The following TMEM232 variants were observed in gnomAD, a reference collection of about 807,000 sequenced individuals.
The protein encoded by TMEM232 is transmembrane protein 232.
Under a neutral mutation model 78.8 loss-of-function variants are expected in TMEM232, and 80 were observed. That is an observed-to-expected ratio of 1.01 (90% CI 0.85 to 1.22). The LOEUF (loss-of-function observed/expected upper bound fraction) is 1.22. Ranked by LOEUF, TMEM232 falls within the 50% of genes most tolerant of loss-of-function variation. The pLI, the probability that TMEM232 is intolerant of heterozygous loss-of-function variation, is 0.00. For missense variants in TMEM232, 881 were observed against 742.2 expected, an observed-to-expected ratio of 1.19 and a Z score of -2.17; for synonymous variants, 297 against 254.3, an observed-to-expected ratio of 1.17 and a Z score of -1.60.
intron 10 of TMEM232, among the ~76,000 whole-genome samples, chr5:110,593,743 T>C (rs892559202): frequency 3.9e-5 from 6 of 152,092 alleles, no homozygotes; most frequent in African/African-American, 1.4e-4. Flanking sequence ...ATGAATAAGT[T>C]CTGGTATTTG....
At chr5:110,464,079 A>T (rs371201341) in intron 12 of TMEM232, among the ~76,000 whole-genome samples, 2 of 152,048 alleles carry the variant, frequency 1.3e-5, no homozygotes, top group Admixed American at 1.3e-4. Flanking sequence ...TCATAATCTA[A>T]TTTTTCATAC....
At chr5:110,552,573 CTAATGTACATATACTAA>C (rs1179400580) in intron 11 of TMEM232, among the ~76,000 whole-genome samples, 2 of 151,846 alleles carry the variant, frequency 1.3e-5, no homozygotes, top group African/African-American at 4.8e-5. Context: ...CCACAGGCAG[CTAATGTACATATACTAA>C]TATGAAAAAG....
intron 12 of TMEM232, among the ~76,000 whole-genome samples, 173 bp from the exon 13 acceptor site, chr5:110,425,089 TG>T (rs1757092956): frequency 6.6e-6 from 1 of 152,180 alleles, no homozygotes; most frequent in Non-Finnish European, 1.5e-5. Context: ...TAAGCCATCT[TG>T]GGTCACTGAA....
At chr5:110,416,157 A>G (rs1756200969), downstream of TMEM232, among the ~76,000 whole-genome samples, 1 of 152,242 alleles carries the variant, frequency 6.6e-6, no homozygotes, top group South Asian at 2.1e-4. Context: ...CTAAGTTTCC[A>G]AATGCATTCT....
chr5:110,694,243 C>A (rs927683657), intron 1 of TMEM232, among the ~76,000 whole-genome samples: 1 of 152,132 alleles, frequency 6.6e-6, no homozygotes, highest in African/African-American at 2.4e-5. Context: ...ACTTTACAGA[C>A]AAGCAAATGC....
At chr5:110,670,578 A>G (rs1277576301) in intron 1 of TMEM232, among the ~76,000 whole-genome samples, 2 of 152,186 alleles carry the variant, frequency 1.3e-5, no homozygotes, top group Non-Finnish European at 2.9e-5. Context: ...TATAGATTCA[A>G]TGCTTCTAAT....
intron 1 of TMEM232, among the ~76,000 whole-genome samples, chr5:110,705,641 T>C (rs140354097): frequency 5.4e-4 from 75 of 139,546 alleles, no homozygotes; most frequent in African/African-American, 1.7e-3. Flanking sequence ...GGAAAAAATA[T>C]AGACCCTCTT....
Position 110,667,286 on chromosome 5 carries a change from C to T in TMEM232, c.67G>A (p.Glu23Lys). Residue 23 changes from glutamate to lysine, a missense_variant, in exon 2 of 14, where the codon GAA (glutamate) becomes AAA (lysine). Glu to Lys is a moderately conservative substitution (Grantham distance 56, BLOSUM62 1). Coordinates refer to ENST00000455884, the MANE Select transcript of TMEM232 (RefSeq NM_001039763.4). Reference protein sequence around the residue: ...TCGGISSPYHEELWKLNFQHL... With the variant: ...TCGGISSPYHKELWKLNFQHL... ...TGAAAATTTAATTTCCAGAGCTCTT[C>T]ATGATAAGGGGAAGATATGCCTCCA... 2 of 1,545,898 alleles carry T rather than the reference C, an allele frequency of 1.3e-6. No individual in the cohort carries two copies. Among genetic ancestry groups the T allele is most frequent in the Non-Finnish European group, 1.7e-6 (2 of 1,143,460 alleles).
At chr5:110,587,574 A>G (rs570020440) in intron 10 of TMEM232, among the ~76,000 whole-genome samples, 3 of 151,366 alleles carry the variant, frequency 2.0e-5, no homozygotes, top group Non-Finnish European at 4.4e-5. Flanking sequence ...CTTTCCTTGA[A>G]AATAGAAGCC....
At chr5:110,606,688 C>A (rs1212976615) in intron 8 of TMEM232, among the ~76,000 whole-genome samples, 1 of 150,064 alleles carries the variant, frequency 6.7e-6, no homozygotes, top group East Asian at 2.0e-4. Context: ...CAAAACACAG[C>A]AATTTTTTAA....
At chr5:110,738,213 C>G, upstream of TMEM232, 1 of 1,286,414 alleles carries the variant, frequency 7.8e-7, no homozygotes, top group Non-Finnish European at 1.0e-6. Context: ...GGGGAGGGAG[C>G]CTGGCCCAAG....
chr5:110,420,090 G>A lies in TMEM232; in HGVS notation c.*490C>T, dbSNP rs1279939039. 1.3e-5 allele frequency: 2 copies of A among 152,236 alleles called. No homozygotes were observed. Among genetic ancestry groups the A allele is most frequent in the South Asian group, 2.1e-4 (1 of 4,838 alleles). The allele number at this position is 152,236 out of a possible 1,614,324, so 9.4% of individuals were successfully genotyped here. ...GGGTTTGTTTGGTTTGGTATAAATTGACTATAAAATGCCAATCAAATAAGA... is the reference window on the plus strand; with the variant it reads ...GGGTTTGTTTGGTTTGGTATAAATTAACTATAAAATGCCAATCAAATAAGA... On this transcript the variant is annotated 3_prime_UTR_variant, in exon 14 of 14. Coordinates refer to ENST00000455884, the MANE Select transcript of TMEM232 (RefSeq NM_001039763.4).
chr5:110,664,479 T>C (rs1253901498), intron 2 of TMEM232, among the ~76,000 whole-genome samples: 1 of 152,218 alleles, frequency 6.6e-6, no homozygotes, highest in Non-Finnish European at 1.5e-5. Flanking sequence ...TTACTATAGT[T>C]GAAAGCACAT....
intron 2 of TMEM232, among the ~76,000 whole-genome samples, chr5:110,654,326 A>G (rs966473873): frequency 6.6e-6 from 1 of 152,330 alleles, no homozygotes; most frequent in Non-Finnish European, 1.5e-5. Context: ...TAATTTTTAT[A>G]TAAGGTGTAA....
At chr5:110,702,993 C>T (rs1053108990) in intron 1 of TMEM232, among the ~76,000 whole-genome samples, 16 of 152,130 alleles carry the variant, frequency 1.1e-4, no homozygotes, top group East Asian at 7.7e-4. Context: ...TTTCTGACCT[C>T]CTCCTAGAAG....
chr5:110,674,608 G>A (rs1791787607), intron 1 of TMEM232, among the ~76,000 whole-genome samples: 1 of 152,172 alleles, frequency 6.6e-6, no homozygotes, highest in Admixed American at 6.5e-5. Flanking sequence ...ACAAGAACCT[G>A]AAAAGTACTA....
At chr5:110,451,901 T>C (rs1359643928) in intron 12 of TMEM232, among the ~76,000 whole-genome samples, 1 of 152,126 alleles carries the variant, frequency 6.6e-6, no homozygotes, top group Non-Finnish European at 1.5e-5. Flanking sequence ...ACTATTTTCT[T>C]ATAGTTCACC....
chr5:110,707,218 T>G (rs1028996992), intron 1 of TMEM232, among the ~76,000 whole-genome samples: 1 of 152,102 alleles, frequency 6.6e-6, no homozygotes, highest in African/African-American at 2.4e-5. Flanking sequence ...GTACCTGATT[T>G]TAACTTCATA....
At chr5:110,494,934 TATAAGTATTCTTACAAAA>T (rs1442971354) in intron 12 of TMEM232, among the ~76,000 whole-genome samples, 1 of 151,780 alleles carries the variant, frequency 6.6e-6, no homozygotes, top group Non-Finnish European at 1.5e-5. Flanking sequence ...ATATACTTAT[TATAAGTATTCTTACAAAA>T]ATAAGTGAAA....
Sources: gnomAD v4.1 joint callset for allele counts (sites outside exome capture counted in the v4.1 genomes callset) on GRCh38, gnomAD v4.1.1 for gene constraint, MANE v1.5 for transcripts, NCBI Gene and HGNC (gene_info 2026-07-23, HGNC 2026-07-21) for gene names.